CNTN3: variants seen among roughly 807,000 people sequenced by gnomAD.
CNTN3 encodes the protein contactin 3.
CNTN3 carries 60 observed loss-of-function variants against 119.1 expected under a neutral mutation model. That is an observed-to-expected ratio of 0.50 (90% CI 0.41 to 0.62). CNTN3 has a LOEUF of 0.62. Ranked by LOEUF, CNTN3 falls within the 20% of genes least tolerant of loss-of-function variation. The pLI is 0.00. For synonymous variants in CNTN3, 450 were observed against 438.7 expected (o/e 1.03, Z -0.32); for missense variants, 1,101 against 1,242.4 (o/e 0.89, Z 1.71).
At chr3:74,366,846 C>A (rs1408541862) in intron 8 of CNTN3, among the ~76,000 whole-genome samples, 3 of 126,136 alleles carry the variant, frequency 2.4e-5, no homozygotes, top group African/African-American at 6.2e-5. Flanking sequence ...TACCAAATCA[C>A]TTCTCTCTAT....
intron 4 of CNTN3, among the ~76,000 whole-genome samples, chr3:74,460,254 T>C (rs1344780450): frequency 2.0e-5 from 3 of 152,028 alleles, no homozygotes; most frequent in Non-Finnish European, 4.4e-5. Context: ...AGCCTTTCTA[T>C]ATAAATTTTA....
chr3:74,462,223 C>T (rs988828324), intron 4 of CNTN3, among the ~76,000 whole-genome samples: 5 of 152,096 alleles, frequency 3.3e-5, no homozygotes, highest in Non-Finnish European at 7.4e-5. Flanking sequence ...TGCTATGCTT[C>T]CTGTACAGCC....
At chr3:74,302,895 G>A in intron 13 of CNTN3, 88 bp from the exon 14 acceptor site, 1 of 782,362 alleles carries the variant, frequency 1.3e-6, no homozygotes, top group Non-Finnish European at 2.1e-6. Context: ...CAACAACATT[G>A]CAATGAAAAC....
intron 4 of CNTN3, among the ~76,000 whole-genome samples, chr3:74,446,992 T>A (rs929073276): frequency 6.6e-6 from 1 of 152,222 alleles, no homozygotes; most frequent in Non-Finnish European, 1.5e-5. Context: ...AAAGACGTTT[T>A]TCTTTGTTTC....
At chr3:74,570,432 T>G (rs1704294588) in intron 1 of CNTN3, among the ~76,000 whole-genome samples, 1 of 150,988 alleles carries the variant, frequency 6.6e-6, no homozygotes, top group African/African-American at 2.4e-5. Context: ...ATCAAGAAAC[T>G]CTCTTGATTT....
At chr3:74,418,553 C>T (rs1458699733) in intron 5 of CNTN3, among the ~76,000 whole-genome samples, 1 of 151,654 alleles carries the variant, frequency 6.6e-6, no homozygotes, top group African/African-American at 2.4e-5. Flanking sequence ...GCTGGCCAGG[C>T]TGGTCTCCAT....
chr3:74,394,567 G>A (rs1704998638), intron 5 of CNTN3, among the ~76,000 whole-genome samples: 1 of 151,996 alleles, frequency 6.6e-6, no homozygotes. Context: ...AATTTTCCAT[G>A]AAAAGAAAGA....
intron 13 of CNTN3, among the ~76,000 whole-genome samples, chr3:74,306,239 G>T (rs559183988): frequency 6.9e-6 from 1 of 145,642 alleles, no homozygotes; most frequent in African/African-American, 2.6e-5. Flanking sequence ...AAGAAACTCG[G>T]TAAAATTAGT....
intron 1 of CNTN3, among the ~76,000 whole-genome samples, chr3:74,582,418 T>A (rs1704526980): frequency 7.1e-6 from 1 of 141,758 alleles, no homozygotes; most frequent in African/African-American, 2.5e-5. Context: ...AAAAAAAAAA[T>A]CATTTAAAAA....
At chr3:74,339,028 A>T (rs1213251495) in intron 11 of CNTN3, among the ~76,000 whole-genome samples, 1 of 152,192 alleles carries the variant, frequency 6.6e-6, no homozygotes, top group Non-Finnish European at 1.5e-5. Flanking sequence ...TTTATACCTT[A>T]GCCTATCTGA....
At chr3:74,309,101 T>A (rs573766453) in intron 13 of CNTN3, among the ~76,000 whole-genome samples, 183 of 152,014 alleles carry the variant, frequency 1.2e-3, no homozygotes, top group African/African-American at 4.2e-3. Flanking sequence ...ATTTATTATT[T>A]ATTATTTATT....
chr3:74,318,518 G>T (rs1008232762), intron 13 of CNTN3, among the ~76,000 whole-genome samples: 1 of 152,176 alleles, frequency 6.6e-6, no homozygotes, highest in Non-Finnish European at 1.5e-5. Flanking sequence ...GGTTTTTGGT[G>T]TGGATGTCCT....
In CNTN3 at chr3:74,266,613, C is replaced by T; in HGVS notation, c.2854G>A (p.Val952Ile). 2 of 1,613,392 alleles carry T rather than the reference C, an allele frequency of 1.2e-6. No individual in the cohort carries two copies. The highest frequency in any genetic ancestry group is 1.7e-6 in the Non-Finnish European group (2 of 1,179,520). ...YRTSSQNNVQ[V>I]LNTNKTSAEL... ...GCTGAAGTTTTATTTGTGTTCAGTA[C>T]TTGTACGTTATTTTGACTGCTAGTC... The change falls in exon 22 of 23, where the codon GTA becomes ATA. Residue 952 changes from valine to isoleucine, a missense_variant. Physicochemically the swap from Val to Ile is conservative, Grantham distance 29. Transcript: ENST00000263665.
At chr3:74,464,759 T>C (rs1165918720) in intron 4 of CNTN3, among the ~76,000 whole-genome samples, 3 of 152,346 alleles carry the variant, frequency 2.0e-5, no homozygotes, top group East Asian at 1.9e-4. Flanking sequence ...AGAAAATCAG[T>C]CATTTGTGCT....
chr3:74,356,924 T>G (rs1703947691), intron 11 of CNTN3, among the ~76,000 whole-genome samples: 1 of 152,134 alleles, frequency 6.6e-6, no homozygotes, highest in Non-Finnish European at 1.5e-5. Flanking sequence ...TATGATTATT[T>G]ACTTATTTAT....
intron 2 of CNTN3, among the ~76,000 whole-genome samples, chr3:74,513,272 T>G (rs1194941719): frequency 6.6e-6 from 1 of 152,160 alleles, no homozygotes; most frequent in Non-Finnish European, 1.5e-5. Flanking sequence ...AGTGCTTCCA[T>G]GTCCACAAGT....
intron 3 of CNTN3, among the ~76,000 whole-genome samples, chr3:74,490,956 C>A (rs1224259446): frequency 6.6e-6 from 1 of 152,040 alleles, no homozygotes; most frequent in Admixed American, 6.6e-5. Context: ...GGAACTCACC[C>A]CAGGTTATAT....
intron 2 of CNTN3, among the ~76,000 whole-genome samples, chr3:74,500,622 C>T (rs1207753957): frequency 1.3e-5 from 2 of 151,220 alleles, no homozygotes; most frequent in Admixed American, 1.3e-4. Context: ...ACAAAGAATC[C>T]GTGAAAAGTC....
Position 74,298,117 on chromosome 3 carries a change from G to T in CNTN3, c.2241C>A (p.Thr747=), listed in dbSNP as rs1266940411. ...GGGATGTCACCACTGTCTGGATCCA[G>T]GTGGTAACCCCAAGAGGGCGGAAAG... The part of the protein sequence containing the change: ...VVAFRPLGVT[T]WIQTVVTSPD... The change falls in exon 18 of 23, where the codon ACC becomes ACA. Residue 747 remains threonine (T), a synonymous_variant. Coordinates refer to ENST00000263665, the MANE Select transcript of CNTN3 (RefSeq NM_020872.3). The T allele has an allele frequency of 6.2e-7, 1 of 1,613,724 alleles. No individual in the cohort carries two copies. Among genetic ancestry groups the T allele is most frequent in the East Asian group, 2.2e-5 (1 of 44,834 alleles).
Sources: allele counts gnomAD v4.1 joint callset (sites outside exome capture counted in the v4.1 genomes callset), GRCh38; gene constraint gnomAD v4.1.1; transcripts MANE v1.5; gene names NCBI Gene and HGNC (gene_info 2026-07-23, HGNC 2026-07-21).